Variants in MDM2 observed in about 807,000 individuals in gnomAD.
MDM2 encodes MDM2 proto-oncogene, also known as E3 ubiquitin-protein ligase Mdm2.
MDM2 carries 11 observed loss-of-function variants against 64.3 expected under a neutral mutation model. That is an observed-to-expected ratio of 0.17 (90% CI 0.11 to 0.28). The LOEUF is 0.28. Among genes scored for constraint, MDM2 ranks in the 10% least tolerant of loss-of-function variants. MDM2 has a pLI of 1.00. For missense variants in MDM2, 388 were observed against 577.1 expected, an observed-to-expected ratio of 0.67 and a Z score of 3.36; for synonymous variants, 194 against 192.9, an observed-to-expected ratio of 1.01 and a Z score of -0.05.
chr12:68,826,622 C>T (rs1310209356), intron 7 of MDM2, among the ~76,000 whole-genome samples: 2 of 136,936 alleles, frequency 1.5e-5, no homozygotes, highest in African/African-American at 6.1e-5. Context: ...GCACTCCAGC[C>T]TGGGGTACAG....
intron 5 of MDM2, among the ~76,000 whole-genome samples, chr12:68,821,395 C>G (rs1881837019): frequency 6.6e-6 from 1 of 152,242 alleles, no homozygotes; most frequent in Admixed American, 6.5e-5. Flanking sequence ...ATACACTACA[C>G]TGCTCCTAAA....
chr12:68,825,634 A>C (rs1223368399), intron 7 of MDM2, among the ~76,000 whole-genome samples: 1 of 151,876 alleles, frequency 6.6e-6, no homozygotes, highest in Non-Finnish European at 1.5e-5. Context: ...CCTGGGCGAC[A>C]CAGTGAGACT....
downstream of MDM2, chr12:68,847,196 T>TTATATATATATATATATATATATATA (rs59862219): frequency 0.03 from 2,741 of 91,048 alleles, 202 homozygotes; most frequent in Non-Finnish European, 0.04. Context: ...TGTGTGTACA[T>TTATATATATATATATATATATATATA]TATATATATA....
intron 8 of MDM2, among the ~76,000 whole-genome samples, chr12:68,830,356 C>G (rs1882693221): frequency 6.6e-6 from 1 of 152,142 alleles, no homozygotes; most frequent in Admixed American, 6.6e-5. Flanking sequence ...GAACGCATAC[C>G]TGCCCTCTAG....
chr12:68,840,099 G>A lies in MDM2; in HGVS notation c.*250G>A. The A allele has an allele frequency of 4.9e-6, 2 of 408,372 alleles. No individual in the cohort carries two copies. The highest frequency in any genetic ancestry group is 4.1e-5 in the East Asian group (1 of 24,688). The allele number at this position is 408,372 out of a possible 1,614,324, so 25.3% of individuals were successfully genotyped here. On this transcript the variant is annotated 3_prime_UTR_variant, in exon 11 of 11. Transcript: ENST00000258149. Reference sequence around the variant, plus strand: ...ATTTCTACTCTGTCTTAAATGAGAAGTACTTGGTTTTTTTTTTTCTTAAAT... The same window carrying A: ...ATTTCTACTCTGTCTTAAATGAGAAATACTTGGTTTTTTTTTTTCTTAAAT...
intron 2 of MDM2, among the ~76,000 whole-genome samples, chr12:68,813,074 G>A (rs1048911477): frequency 6.6e-6 from 1 of 152,186 alleles, no homozygotes; most frequent in Non-Finnish European, 1.5e-5. Flanking sequence ...AAAATGCTGA[G>A]TTGTAGTTGA....
intron 4 of MDM2, among the ~76,000 whole-genome samples, chr12:68,817,854 G>C (rs1014315963): frequency 6.6e-6 from 1 of 152,058 alleles, no homozygotes; most frequent in Non-Finnish European, 1.5e-5. Context: ...CTGGAGTGCA[G>C]TGGCATGATC....
chr12:68,826,346 G>A (rs762391479), intron 7 of MDM2, among the ~76,000 whole-genome samples: 83 of 151,920 alleles, frequency 5.5e-4, no homozygotes, highest in Non-Finnish European at 8.2e-4. Context: ...TAAATTTTTC[G>A]GATTATAAAA....
At chr12:68,828,670 T>C in intron 7 of MDM2, 101 bp from the exon 8 acceptor site, 3 of 954,758 alleles carry the variant, frequency 3.1e-6, no homozygotes, top group Non-Finnish European at 4.7e-6. Flanking sequence ...ACTTTTGAAC[T>C]AATTTTATTG....
At chr12:68,845,573 C>A (rs919420038), downstream of MDM2, 1 of 182,762 alleles carries the variant, frequency 5.5e-6, no homozygotes, top group Admixed American at 6.3e-5. Context: ...CTGAAACATA[C>A]TTGAATTCGT....
At chr12:68,818,575 TTA>T (rs984022190) in intron 4 of MDM2, among the ~76,000 whole-genome samples, 1 of 148,220 alleles carries the variant, frequency 6.7e-6, no homozygotes, top group Non-Finnish European at 1.5e-5. Context: ...TATAATATAA[TTA>T]TATATATTAC....
chr12:68,808,342 G>C lies in MDM2; in HGVS notation c.-136G>C, dbSNP rs936972621. 2 of 1,160,564 alleles carry C rather than the reference G, an allele frequency of 1.7e-6. No homozygotes were observed. Among genetic ancestry groups the C allele is most frequent in the Admixed American group, 3.8e-5 (2 of 53,332 alleles). 71.9% of individuals were successfully genotyped at this position (1,160,564 alleles called of 1,614,324 possible). ...AGGAGCACCGTCCCTCCCCGGATTA[G>C]TGCGTACGAGCGCCCAGTGCCCTGG... On this transcript the variant is annotated 5_prime_UTR_variant, in exon 1 of 11. Transcript: ENST00000258149.
chr12:68,810,555 G>A (rs1373215723), intron 2 of MDM2, among the ~76,000 whole-genome samples: 4 of 151,568 alleles, frequency 2.6e-5, no homozygotes, highest in Non-Finnish European at 4.4e-5. Flanking sequence ...TCCGTTCCCC[G>A]GGTTCACGCC....
At chr12:68,813,136 GGTTA>G (rs1265169977) in intron 2 of MDM2, among the ~76,000 whole-genome samples, 28 of 152,008 alleles carry the variant, frequency 1.8e-4, no homozygotes, top group Non-Finnish European at 2.6e-4. Flanking sequence ...TGTCAGCTTG[GGTTA>G]GTTAGTTAGG....
chr12:68,813,510 G>C (rs772791413), intron 2 of MDM2, 44 bp from the exon 3 acceptor site: 1 of 1,372,218 alleles, frequency 7.3e-7, no homozygotes, highest in South Asian at 1.2e-5. Context: ...CTATAGTTCT[G>C]GGATAATTTT....
chr12:68,827,171 T>C (rs746898842), intron 7 of MDM2, among the ~76,000 whole-genome samples: 3 of 152,176 alleles, frequency 2.0e-5, no homozygotes, highest in Non-Finnish European at 4.4e-5. Context: ...AGAGTGAGAC[T>C]TTGTCTCAAG....
chr12:68,825,730 G>A (rs1484921400), intron 7 of MDM2, among the ~76,000 whole-genome samples: 1 of 152,226 alleles, frequency 6.6e-6, no homozygotes, highest in Non-Finnish European at 1.5e-5. Context: ...CGAGAAGGCT[G>A]TTGCCTGAGG....
At chr12:68,834,558 GAA>G (rs1565744973) in intron 8 of MDM2, among the ~76,000 whole-genome samples, 1 of 151,894 alleles carries the variant, frequency 6.6e-6, no homozygotes, top group Non-Finnish European at 1.5e-5. Flanking sequence ...CCAACATGGT[GAA>G]GCCCTGCCTC....
At position 68,841,117 on chromosome 12, in the gene MDM2, A is replaced by G. The variant is rs2136183229; in HGVS notation, c.*1268A>G. ...CACCTCAGCCTCCCAAAATGCTGGG[A>G]TTACAGATGTGAGGCACCTGGCCTC... On this transcript the variant is annotated 3_prime_UTR_variant, in exon 11 of 11. Coordinates refer to ENST00000258149, the MANE Select transcript of MDM2 (RefSeq NM_002392.6). 5.3e-6 allele frequency: 1 copy of G among 189,904 alleles called. No individual in the cohort carries two copies. Among genetic ancestry groups the G allele is most frequent in the Admixed American group, 6.2e-5 (1 of 16,238 alleles). 11.8% of individuals were successfully genotyped at this position (189,904 alleles called of 1,614,324 possible).
Sources: gnomAD v4.1 joint callset for allele counts (sites outside exome capture counted in the v4.1 genomes callset) on GRCh38, gnomAD v4.1.1 for gene constraint, MANE v1.5 for transcripts, NCBI Gene and HGNC (gene_info 2026-07-23, HGNC 2026-07-21) for gene names.